ARHGEF10L: variants seen among roughly 807,000 people sequenced by gnomAD.
ARHGEF10L encodes the protein Rho guanine nucleotide exchange factor 10 like.
Under a neutral mutation model 141.2 loss-of-function variants are expected in ARHGEF10L, and 69 were observed. The ratio of observed to expected loss-of-function variants is 0.49; its 90% CI spans 0.40 to 0.60. The LOEUF (loss-of-function observed/expected upper bound fraction) is 0.60, where lower values mean the gene tolerates loss of function less well. Ranked by LOEUF, ARHGEF10L falls within the 20% of genes least tolerant of loss-of-function variation. ARHGEF10L has a pLI of 0.00. For synonymous variants in ARHGEF10L, 711 were observed against 718.5 expected (o/e 0.99, Z 0.17); for missense variants, 1,482 against 1,734.3 (o/e 0.85, Z 2.58).
chr1:17,590,168 G>A (rs1037784071), intron 4 of ARHGEF10L, among the ~76,000 whole-genome samples: 6 of 152,306 alleles, frequency 3.9e-5, no homozygotes, highest in South Asian at 2.1e-4. Context: ...GAGGCCAGGC[G>A]CTGGGCCACC....
chr1:17,678,598 T>A (rs958479339), intron 26 of ARHGEF10L, among the ~76,000 whole-genome samples: 7 of 152,170 alleles, frequency 4.6e-5, no homozygotes, highest in Middle Eastern at 6.8e-3. Context: ...TTTGTATTTT[T>A]AGTAGAGATG....
the ARHGEF10L span, among the ~76,000 whole-genome samples, chr1:17,526,819 G>A: frequency 0.025 from 3,861 of 151,932 alleles, 163 homozygotes; most frequent in African/African-American, 0.087. Context: ...CATGAGAATC[G>A]CTTGAGCCTG....
chr1:17,520,532 G>A, the ARHGEF10L span, among the ~76,000 whole-genome samples: 14 of 152,204 alleles, frequency 9.2e-5, no homozygotes, highest in Non-Finnish European at 1.8e-4. Context: ...AGGTCGTGGG[G>A]GAGGGGTCTC....
chr1:17,678,353 A>G (rs1269016229), intron 26 of ARHGEF10L, among the ~76,000 whole-genome samples: 1 of 151,954 alleles, frequency 6.6e-6, no homozygotes, highest in Non-Finnish European at 1.5e-5. Flanking sequence ...AATAGCCCAT[A>G]CTTCAAGATG....
the ARHGEF10L span, among the ~76,000 whole-genome samples, chr1:17,526,518 G>A: frequency 6.6e-6 from 1 of 152,164 alleles, no homozygotes; most frequent in Non-Finnish European, 1.5e-5. Flanking sequence ...GTTATCCCAG[G>A]CAGATCACTA....
chr1:17,655,608 G>A (rs1330437289), intron 23 of ARHGEF10L, among the ~76,000 whole-genome samples: 1 of 152,222 alleles, frequency 6.6e-6, no homozygotes, highest in Non-Finnish European at 1.5e-5. Flanking sequence ...ACTTTATATT[G>A]GTTGAAATGC....
Position 17,602,110 on chromosome 1 carries a change from C to T in ARHGEF10L, c.258-17C>T, listed in dbSNP as rs761700735. 7 of 1,547,106 alleles carry T rather than the reference C, an allele frequency of 4.5e-6. No individual in the cohort carries two copies. The South Asian group carries it at 7.3e-5, about 16-fold the overall frequency. ...GCCACCTCTGGACACCTCTGCAGTG[C>T]CATCTCTTGCCCGCAGGGTGCCAGC... On this transcript the variant is annotated splice_polypyrimidine_tract_variant and intron_variant, in intron 4 of 28. Coordinates refer to ENST00000361221, the MANE Select transcript of ARHGEF10L (RefSeq NM_018125.4).
intron 25 of ARHGEF10L, among the ~76,000 whole-genome samples, chr1:17,658,376 C>A (rs2062406240): frequency 6.6e-6 from 1 of 152,112 alleles, no homozygotes; most frequent in Non-Finnish European, 1.5e-5. Flanking sequence ...GGGGTTGGAG[C>A]CTGTTAGTCA....
chr1:17,587,787 T>C, intron 3 of ARHGEF10L, 142 bp downstream of exon 3: 1 of 917,410 alleles, frequency 1.1e-6, no homozygotes, highest in Non-Finnish European at 1.6e-6. Context: ...GGGAAGAAGC[T>C]GCAGTCTGTG....
In ARHGEF10L at chr1:17,616,091, C is replaced by T; in HGVS notation, c.727-3C>T. 3.1e-6 allele frequency: 5 copies of T among 1,613,318 alleles called. No individual in the cohort carries two copies. The highest frequency in any genetic ancestry group is 4.2e-6 in the Non-Finnish European group (5 of 1,179,752). On this transcript the variant is annotated splice_polypyrimidine_tract_variant and splice_region_variant and intron_variant, in intron 8 of 28. Transcript: ENST00000361221. Reference sequence around the variant, plus strand: ...CCTGATGAGCCTCTCTACCTTTGCTCAGATGACCCAGCTCATGAAGGCCGC... The same window carrying T: ...CCTGATGAGCCTCTCTACCTTTGCTTAGATGACCCAGCTCATGAAGGCCGC...
At chr1:17,663,744 G>A (rs186552844) in intron 25 of ARHGEF10L, among the ~76,000 whole-genome samples, 9 of 152,240 alleles carry the variant, frequency 5.9e-5, no homozygotes, top group Admixed American at 3.9e-4. Flanking sequence ...AATCTTGTCA[G>A]CTCCCCACCC....
intron 25 of ARHGEF10L, among the ~76,000 whole-genome samples, chr1:17,658,552 G>A (rs1427892248): frequency 6.6e-6 from 1 of 152,116 alleles, no homozygotes; most frequent in African/African-American, 2.4e-5. Context: ...AGGTAGAGTG[G>A]AGGACATGGG....
intron 4 of ARHGEF10L, among the ~76,000 whole-genome samples, chr1:17,594,178 C>T (rs1570719039): frequency 6.6e-6 from 1 of 151,930 alleles, no homozygotes; most frequent in South Asian, 2.1e-4. Flanking sequence ...TTACATGCTG[C>T]GCTCTGAGAG....
Position 17,573,462 on chromosome 1 carries a change from G to T in ARHGEF10L, c.-43-7091G>T, listed in dbSNP as rs879738542. Among the ~76,000 whole-genome samples, 1 of 152,208 alleles carries T rather than the reference G, an allele frequency of 6.6e-6. No homozygotes were observed. The highest frequency in any genetic ancestry group is 2.1e-4 in the South Asian group (1 of 4,824). On this transcript the variant is annotated intron_variant, in intron 1 of 28. Transcript: ENST00000361221. This position sits in a 1 kb window ranked among gnomAD's most constrained non-coding sequence, Gnocchi z 4.8. ...AGGGTCTGGGGTTCTCTGGAGAAGA[G>T]GGGGGTCAGTTCAGCTGATGGCAGG...
intron 19 of ARHGEF10L, 34 bp downstream of exon 19, chr1:17,638,037 C>A: frequency 6.5e-7 from 1 of 1,543,964 alleles, no homozygotes; most frequent in Non-Finnish European, 8.8e-7. Flanking sequence ...TTGGCCTGAG[C>A]TCCCCAGTGT....
rs563576861 is a variant in ARHGEF10L, at chr1:17,562,896, G to A, written c.-43-17657G>A. 3.5e-4 allele frequency among the ~76,000 whole-genome samples: 53 copies of A among 152,306 alleles called. No individual in the cohort carries two copies. The South Asian group carries it at 8.1e-3, about 23-fold the overall frequency. ...GGCACATCCTAGCAGTGTGATTGACGTGGGAGCCGGGGGTCTGGGAGCCAC... is the reference window on the plus strand; with the variant it reads ...GGCACATCCTAGCAGTGTGATTGACATGGGAGCCGGGGGTCTGGGAGCCAC... On this transcript the variant is annotated intron_variant, in intron 1 of 28. Transcript: ENST00000361221.
intron 1 of ARHGEF10L, among the ~76,000 whole-genome samples, chr1:17,541,647 A>G (rs904832428): frequency 6.6e-6 from 1 of 152,118 alleles, no homozygotes; most frequent in African/African-American, 2.4e-5. Flanking sequence ...CTTGGCCAAC[A>G]TGGTGAAACC....
rs534887362 is a variant in ARHGEF10L at position 17,676,428 on chromosome 1, ATGGGTGCAGGTGTGGGTGCAGGTG to A, written c.3010-11140_3010-11117del. On this transcript the variant is annotated intron_variant, in intron 26 of 28. Transcript: ENST00000361221. ...TGTATGTTCATGTGTAGGTGCAGGCATGGGTGCAGGTGTGGGTGCAGGTGTGGGGTGGTGGAGGGCCAGGTGAGT... is the reference window on the plus strand; with the variant it reads ...TGTATGTTCATGTGTAGGTGCAGGCATGGGGTGGTGGAGGGCCAGGTGAGT... Among the ~76,000 whole-genome samples, 890 of 130,682 alleles carry A rather than the reference ATGGGTGCAGGTGTGGGTGCAGGTG, an allele frequency of 6.8e-3. 7 individuals carry two copies. The highest frequency in any genetic ancestry group is 0.012 in the Non-Finnish European group (721 of 60,312). 85.7% of individuals were successfully genotyped at this position (130,682 alleles called of 152,430 possible). A position where few individuals can be genotyped will look rare whatever the true frequency, so the allele number is the denominator to read the frequency against.
At chr1:17,520,485 T>C in the ARHGEF10L span, among the ~76,000 whole-genome samples, 1 of 152,186 alleles carries the variant, frequency 6.6e-6, no homozygotes, top group Non-Finnish European at 1.5e-5. Context: ...TTTTTAACCA[T>C]CTCTGCCCCT....
Sources: gnomAD v4.1 joint callset for allele counts (sites outside exome capture counted in the v4.1 genomes callset) on GRCh38, gnomAD v4.1.1 for gene constraint, Gnocchi (gnomAD v3.1) non-coding constraint, MANE v1.5 for transcripts, NCBI Gene and HGNC (gene_info 2026-07-23, HGNC 2026-07-21) for gene names.